RAB44: variants seen among roughly 807,000 people sequenced by gnomAD.
The protein encoded by RAB44 is ras-related protein Rab-44.
A neutral mutation model predicts 93.3 loss-of-function variants in RAB44; 67 were observed. The observed-to-expected ratio is 0.72, with a 90% confidence interval of 0.59 to 0.88. The LOEUF is 0.88. RAB44 is among the 40% of genes least tolerant of loss of function. RAB44 has a pLI of 0.00. For synonymous variants in RAB44, 427 were observed against 520.3 expected (o/e 0.82, Z 2.44); for missense variants, 1,064 against 1,261.7 (o/e 0.84, Z 2.37).
At position 36,721,489 on chromosome 6, in the gene RAB44, A is replaced by G. The variant is rs1193713284; in HGVS notation, c.1355A>G (p.Glu452Gly). Reference sequence around the variant, plus strand: ...GACAATAAAGGAGTGGACCCACATGAGCAGGACATTAGAGCAGAGCAGCCT... The same window carrying G: ...GACAATAAAGGAGTGGACCCACATGGGCAGGACATTAGAGCAGAGCAGCCT... ...AKDNKGVDPH[E>G]QDIRAEQPVE... The change falls in exon 9 of 14, where the codon GAG (glutamate) becomes GGG (glycine). Residue 452 changes from glutamate (E) to glycine (G), a missense_variant. Physicochemically the swap from Glu to Gly is moderately conservative, Grantham distance 98 (BLOSUM62 -2). Coordinates refer to ENST00000612677, the MANE Select transcript of RAB44 (RefSeq NM_001257357.2). 3 of 1,234,494 alleles carry G rather than the reference A, an allele frequency of 2.4e-6. No individual in the cohort carries two copies. The highest frequency in any genetic ancestry group is 3.0e-6 in the Non-Finnish European group (3 of 988,302). 76.5% of individuals were successfully genotyped at this position (1,234,494 alleles called of 1,614,324 possible). A position where few individuals can be genotyped will look rare whatever the true frequency, so the allele number is the denominator to read the frequency against.
chr6:36,723,446 C>T (rs1272250787), intron 9 of RAB44, among the ~76,000 whole-genome samples: 1 of 152,120 alleles, frequency 6.6e-6, no homozygotes, highest in Non-Finnish European at 1.5e-5. Context: ...TCATGTCTAA[C>T]TCAGTGGCTC....
At position 36,718,143 on chromosome 6, in the gene RAB44, T is replaced by G. The variant is rs568142555; in HGVS notation, c.732+25T>G. On this transcript the variant is annotated intron_variant, in intron 6 of 13. Coordinates refer to ENST00000612677, the MANE Select transcript of RAB44 (RefSeq NM_001257357.2). ...GGTGGGCTCCCGCCGGCAGCCTGCC[T>G]CCTTCCCACTGCCCGGGACACCTCT... is the stretch of plus-strand genomic sequence containing the variant. 4.9e-3 allele frequency: 5,963 copies of G among 1,223,438 alleles called. 21 individuals carry two copies. The highest frequency in any genetic ancestry group is 5.5e-3 in the Non-Finnish European group (5,343 of 980,060). The allele number at this position is 1,223,438 out of a possible 1,614,324, so 75.8% of individuals were successfully genotyped here.
chr6:36,723,998 C>A (rs1328251537), intron 9 of RAB44, among the ~76,000 whole-genome samples: 3 of 151,946 alleles, frequency 2.0e-5, no homozygotes. Flanking sequence ...AGGCCTGGGG[C>A]AGGTTCTCAA....
chr6:36,712,660 C>T (rs150927964), intron 2 of RAB44, among the ~76,000 whole-genome samples: 112 of 152,260 alleles, frequency 7.4e-4, no homozygotes, highest in Middle Eastern at 6.8e-3. Context: ...CCACTGCACC[C>T]GGCCTGGAAT....
chr6:36,728,662 A>T, intron 11 of RAB44, 38 bp from the exon 12 acceptor site: 1 of 1,524,910 alleles, frequency 6.6e-7, no homozygotes, highest in Non-Finnish European at 8.9e-7. Context: ...AGCCTGGCAC[A>T]CAGTGGGTGT....
At chr6:36,724,581 T>G (rs1304973203) in intron 9 of RAB44, among the ~76,000 whole-genome samples, 2 of 152,218 alleles carry the variant, frequency 1.3e-5, no homozygotes, top group Non-Finnish European at 2.9e-5. Flanking sequence ...TCCTTTATTA[T>G]GTGGTAAGAA....
chr6:36,717,438 C>G lies in RAB44; in HGVS notation c.641+19C>G. 1 of 1,231,988 alleles carries G rather than the reference C, an allele frequency of 8.1e-7. No individual in the cohort carries two copies. The highest frequency in any genetic ancestry group is 1.0e-6 in the Non-Finnish European group (1 of 988,018). 76.3% of individuals were successfully genotyped at this position (1,231,988 alleles called of 1,614,324 possible). ...TGAGGAAGTGAGTGGGGGGCCTGGC[C>G]GGGTGTCTGATACGAAGTAGGTGCT... On this transcript the variant is annotated intron_variant, in intron 5 of 13. Transcript: ENST00000612677. The surrounding 1 kb of genome is among the most constrained non-coding windows in gnomAD (Gnocchi z 4.1).
In RAB44 at chr6:36,711,153, T is replaced by C. The variant is rs145693004; in HGVS notation, c.208-2675T>C. 2.8e-3 allele frequency among the ~76,000 whole-genome samples: 430 copies of C among 152,330 alleles called. 4 individuals are homozygous for C. Among genetic ancestry groups the C allele is most frequent in the African/African-American group, 9.1e-3 (379 of 41,574 alleles). ...TCAAAATTTTAAAGTTACCTAAGAATCTTGGAAACTGTGTTTAAGGTGACA... is the reference window on the plus strand; with the variant it reads ...TCAAAATTTTAAAGTTACCTAAGAACCTTGGAAACTGTGTTTAAGGTGACA... On this transcript the variant is annotated intron_variant, in intron 2 of 13. Transcript: ENST00000612677.
intron 1 of RAB44, among the ~76,000 whole-genome samples, chr6:36,702,108 C>A (rs560270810): frequency 5.3e-5 from 8 of 152,158 alleles, no homozygotes; most frequent in African/African-American, 1.9e-4. Flanking sequence ...GGGCAGGAGA[C>A]CTGATTCATG....
At chr6:36,698,559 T>C in intron 1 of RAB44, among the ~76,000 whole-genome samples, 1 of 152,162 alleles carries the variant, frequency 6.6e-6, no homozygotes. Context: ...TCAAGTTTTA[T>C]GCGATTTCTT....
chr6:36,721,970 G>A lies in RAB44; in HGVS notation c.1836G>A (p.Leu612=), dbSNP rs1485579894. The A allele has an allele frequency of 4.0e-6, 5 of 1,234,578 alleles. No individual in the cohort carries two copies. Among genetic ancestry groups the A allele is most frequent in the Middle Eastern group, 2.1e-4 (1 of 4,836 alleles). 76.5% of individuals were successfully genotyped at this position (1,234,578 alleles called of 1,614,324 possible). A position where few individuals can be genotyped will look rare whatever the true frequency, so the allele number is the denominator to read the frequency against. Residue 612 remains leucine, a synonymous_variant, in exon 9 of 14, where the codon CTG becomes CTA. Transcript: ENST00000612677. ...LGTQRARALT[L]GPAEPFQGLE... is the part of the protein sequence containing the mutation. Reference sequence around the variant, plus strand: ...CCCAGAGGGCTAGAGCCCTCACCCTGGGGCCAGCTGAGCCCTTCCAGGGCC... The same window carrying A: ...CCCAGAGGGCTAGAGCCCTCACCCTAGGGCCAGCTGAGCCCTTCCAGGGCC...
chr6:36,711,624 G>A (rs1370154268), intron 2 of RAB44, among the ~76,000 whole-genome samples: 1 of 152,168 alleles, frequency 6.6e-6, no homozygotes, highest in Non-Finnish European at 1.5e-5. Context: ...AGGAGAATTA[G>A]AGTTATATAA....
Position 36,727,702 on chromosome 6 carries a change from GGCT to G in RAB44, c.2796+16_2796+18del. 3 of 1,534,438 alleles carry G rather than the reference GGCT, an allele frequency of 2.0e-6. No homozygotes were observed. The highest frequency in any genetic ancestry group is 2.4e-5 in the South Asian group (2 of 83,744). The stretch of plus-strand genomic sequence containing the variant: ...CTAGACTGTCTCCAGGTGAGCAGAT[GGCT>G]GCTGGGGTTGGCCCCAGTCCCTCCA... On this transcript the variant is annotated intron_variant, in intron 11 of 13. Transcript: ENST00000612677.
At chr6:36,729,734 C>T (rs983806514) in intron 12 of RAB44, among the ~76,000 whole-genome samples, 1 of 152,146 alleles carries the variant, frequency 6.6e-6, no homozygotes, top group Non-Finnish European at 1.5e-5. Flanking sequence ...CTGCCTACCT[C>T]GGGCTCCCAA....
At chr6:36,728,876 T>C (rs1763298197) in intron 12 of RAB44, 75 bp downstream of exon 12, 3 of 1,209,708 alleles carry the variant, frequency 2.5e-6, no homozygotes, top group Non-Finnish European at 3.6e-6. Flanking sequence ...TGGATAGGCA[T>C]CACCTGACCT....
chr6:36,725,348 A>G (rs1451717571), intron 9 of RAB44, among the ~76,000 whole-genome samples: 2 of 152,192 alleles, frequency 1.3e-5, no homozygotes, highest in African/African-American at 4.8e-5. Context: ...TTAAAACAGC[A>G]TTTTAATCCT....
rs144536607 is a variant in RAB44 at position 36,701,025 on chromosome 6, A to G, written c.-13+3110A>G. 1.5e-3 allele frequency among the ~76,000 whole-genome samples: 229 copies of G among 152,354 alleles called. 1 individual carries two copies. Among genetic ancestry groups the G allele is most frequent in the African/African-American group, 4.8e-3 (198 of 41,584 alleles). On this transcript the variant is annotated intron_variant, in intron 1 of 13. Transcript: ENST00000612677. ...GGGTGAGAGATACCGCGTGAAGGCCAGTTAGATTAGCATGGGGACTTCCCT... is the reference window on the plus strand; with the variant it reads ...GGGTGAGAGATACCGCGTGAAGGCCGGTTAGATTAGCATGGGGACTTCCCT...
chr6:36,708,205 C>A (rs1441662358), intron 2 of RAB44, among the ~76,000 whole-genome samples: 1 of 151,286 alleles, frequency 6.6e-6, no homozygotes, highest in Non-Finnish European at 1.5e-5. Context: ...GAGTGAGAAC[C>A]TGTCTCAAGA....
At chr6:36,705,566 A>G (rs1437606111) in intron 2 of RAB44, among the ~76,000 whole-genome samples, 1 of 152,110 alleles carries the variant, frequency 6.6e-6, no homozygotes, top group African/African-American at 2.4e-5. Context: ...TATGTTTAGT[A>G]GAGACGGGGT....
Sources: allele counts gnomAD v4.1 joint callset (sites outside exome capture counted in the v4.1 genomes callset), GRCh38; gene constraint gnomAD v4.1.1; non-coding constraint Gnocchi (gnomAD v3.1); transcripts MANE v1.5; gene names NCBI Gene and HGNC (gene_info 2026-07-23, HGNC 2026-07-21).